Variants in ITGA1 observed in about 807,000 individuals in gnomAD.
The protein encoded by ITGA1 is integrin alpha-1.
A neutral mutation model predicts 145.9 loss-of-function variants in ITGA1; 85 were observed. That is an observed-to-expected ratio of 0.58 (90% CI 0.49 to 0.70). The LOEUF (loss-of-function observed/expected upper bound fraction) is 0.70. ITGA1 is among the 30% of genes least tolerant of loss of function. ITGA1 has a pLI of 0.00. For missense variants in ITGA1, 1,351 were observed against 1,418.7 expected (o/e 0.95, Z 0.77); for synonymous variants, 520 against 495.3 (o/e 1.05, Z -0.66).
At chr5:52,917,017 C>T (rs1750658180) in intron 15 of ITGA1, among the ~76,000 whole-genome samples, 1 of 152,062 alleles carries the variant, frequency 6.6e-6, no homozygotes, top group African/African-American at 2.4e-5. Flanking sequence ...GCAGAATGGA[C>T]CAAACCGATA....
At chr5:52,846,409 G>GA (rs1003511422) in intron 1 of ITGA1, among the ~76,000 whole-genome samples, 43 of 149,030 alleles carry the variant, frequency 2.9e-4, no homozygotes, top group East Asian at 3.9e-4. Flanking sequence ...CCTTAAAAAA[G>GA]AAAAAAAAAG....
intron 8 of ITGA1, chr5:52,889,943 T>C (rs1422910528): frequency 1.3e-5 from 2 of 152,200 alleles, no homozygotes; most frequent in Non-Finnish European, 2.9e-5. Flanking sequence ...GTCTTTCCTT[T>C]ATTTTTTGGA....
At chr5:52,946,113 A>T (rs183761806) in intron 27 of ITGA1, among the ~76,000 whole-genome samples, 180 of 152,368 alleles carry the variant, frequency 1.2e-3, no homozygotes, top group African/African-American at 4.2e-3. Context: ...AGGAAAAATT[A>T]TATCTATATT....
At position 52,827,144 on chromosome 5, in the gene ITGA1, CAGGAGTTT is replaced by C. The variant is rs1748981825; in HGVS notation, c.62-22218_62-22211del. On this transcript the variant is annotated intron_variant, in intron 1 of 28. Coordinates refer to ENST00000282588, the MANE Select transcript of ITGA1 (RefSeq NM_181501.2). The stretch of plus-strand genomic sequence containing the variant: ...GAGGAGGTCAAAAGATCAACATTAA[CAGGAGTTT>C]AGTAGAAACTGATTTCCAACCCTCA... Among the ~76,000 whole-genome samples the C allele has an allele frequency of 4.3e-5, 6 of 138,626 alleles. 1 individual carries two copies. The Admixed American group carries it at 4.5e-4, about 10-fold the overall frequency. 90.9% of individuals were successfully genotyped at this position (138,626 alleles called of 152,430 possible).
At chr5:52,933,561 T>TG (rs1198209605) in intron 22 of ITGA1, 8 of 154,548 alleles carry the variant, frequency 5.2e-5, no homozygotes, top group African/African-American at 2.1e-4. Context: ...AATTCAGCAT[T>TG]ACATTTTAGT....
chr5:52,940,412 CTTT>C (rs35106592), intron 26 of ITGA1, among the ~76,000 whole-genome samples: 4 of 133,762 alleles, frequency 3.0e-5, no homozygotes, highest in African/African-American at 2.8e-5. Context: ...AGCCTTTTTT[CTTT>C]TTTTTTTTTT....
chr5:52,794,047 G>A (rs1196673366), intron 1 of ITGA1, among the ~76,000 whole-genome samples: 2 of 151,950 alleles, frequency 1.3e-5, no homozygotes, highest in Non-Finnish European at 2.9e-5. Context: ...TGCATATGCT[G>A]GTTGGTGTTA....
intron 2 of ITGA1, among the ~76,000 whole-genome samples, chr5:52,850,989 A>G (rs2111754196): frequency 6.6e-6 from 1 of 152,350 alleles, no homozygotes; most frequent in East Asian, 1.9e-4. Flanking sequence ...AATGCAGTAC[A>G]TGTTATTCTT....
chr5:52,833,754 A>G (rs959606712), intron 1 of ITGA1, among the ~76,000 whole-genome samples: 2 of 152,192 alleles, frequency 1.3e-5, no homozygotes, highest in Non-Finnish European at 2.9e-5. Flanking sequence ...TTGTTCTGAT[A>G]AATGTTTATC....
chr5:52,884,541 G>A (rs1230335523), intron 7 of ITGA1, among the ~76,000 whole-genome samples: 1 of 151,796 alleles, frequency 6.6e-6, no homozygotes, highest in Non-Finnish European at 1.5e-5. Context: ...CATCACTCAA[G>A]AGGAACCTTT....
In ITGA1 at chr5:52,931,895, C is replaced by G. The variant is rs1750897956; in HGVS notation, c.2772-152C>G. On this transcript the variant is annotated intron_variant, in intron 21 of 28. Transcript: ENST00000282588. ...AACCATACCAATCATCTCTGATCTC[C>G]TTCTTCACCCCAATTAAAAAAATGA... 3 of 534,514 alleles carry G rather than the reference C, an allele frequency of 5.6e-6. No individual in the cohort carries two copies. In the East Asian group the frequency reaches 9.1e-5, roughly 16 times the overall value. The allele number at this position is 534,514 out of a possible 1,614,324, so 33.1% of individuals were successfully genotyped here.
intron 26 of ITGA1, among the ~76,000 whole-genome samples, chr5:52,943,835 A>G (rs1434897686): frequency 2.0e-5 from 3 of 152,130 alleles, no homozygotes; most frequent in African/African-American, 4.8e-5. Context: ...TGAGACGGAC[A>G]TGCCATCTCT....
chr5:52,802,109 A>C (rs1011743161), intron 1 of ITGA1: 2 of 343,214 alleles, frequency 5.8e-6, no homozygotes, highest in African/African-American at 4.2e-5. Context: ...ACTTGGAAAC[A>C]GAAAATGTGT....
At chr5:52,893,057 T>C (rs1381562574) in intron 8 of ITGA1, among the ~76,000 whole-genome samples, 3 of 152,066 alleles carry the variant, frequency 2.0e-5, no homozygotes, top group Admixed American at 1.3e-4. Flanking sequence ...TCTAAATAAT[T>C]ATAGTTAACA....
At chr5:52,817,063 A>G (rs1235705808) in intron 1 of ITGA1, among the ~76,000 whole-genome samples, 4 of 152,374 alleles carry the variant, frequency 2.6e-5, no homozygotes, top group South Asian at 2.1e-4. Context: ...TTCAAACTTG[A>G]CACATTCAAA....
intron 27 of ITGA1, 59 bp downstream of exon 27, chr5:52,945,094 A>T (rs1477501414): frequency 3.1e-5 from 39 of 1,278,498 alleles, no homozygotes; most frequent in Non-Finnish European, 4.1e-5. Flanking sequence ...TTGTGACATA[A>T]TGTTTTATAA....
chr5:52,886,910 C>T (rs999443439), intron 7 of ITGA1, among the ~76,000 whole-genome samples: 1 of 152,148 alleles, frequency 6.6e-6, no homozygotes, highest in Non-Finnish European at 1.5e-5. Context: ...TCCAGAGTAG[C>T]TGGGACTACA....
chr5:52,854,996 T>C (rs1418668160), intron 2 of ITGA1, among the ~76,000 whole-genome samples: 5 of 152,190 alleles, frequency 3.3e-5, no homozygotes, highest in African/African-American at 1.2e-4. Context: ...GAATAAAACG[T>C]AATAAGTTAA....
Position 52,788,379 on chromosome 5 carries a change from C to G in ITGA1, c.26C>G (p.Pro9Arg). MAPRPRAR[P>R]GVAVACCWLL... ...ATGGCCCCTCGGCCCCGCGCCCGCCCAGGGGTCGCTGTCGCCTGCTGCTGG... is the reference window on the plus strand; with the variant it reads ...ATGGCCCCTCGGCCCCGCGCCCGCCGAGGGGTCGCTGTCGCCTGCTGCTGG... The change falls in exon 1 of 29, where the codon CCA (proline) becomes CGA (arginine). Residue 9 changes from proline to arginine, a missense_variant. Physicochemically the swap from Pro to Arg is moderately radical, Grantham distance 103. Transcript: ENST00000282588. 1 of 1,513,378 alleles carries G rather than the reference C, an allele frequency of 6.6e-7. No individual in the cohort carries two copies. The highest frequency in any genetic ancestry group is 8.8e-7 in the Non-Finnish European group (1 of 1,134,406). 93.7% of individuals were successfully genotyped at this position (1,513,378 alleles called of 1,614,324 possible). A position where few individuals can be genotyped will look rare whatever the true frequency, so the allele number is the denominator to read the frequency against.
Sources: allele counts gnomAD v4.1 joint callset (sites outside exome capture counted in the v4.1 genomes callset), GRCh38; gene constraint gnomAD v4.1.1; transcripts MANE v1.5; gene names NCBI Gene and HGNC (gene_info 2026-07-23, HGNC 2026-07-21).